The following HTT variants were observed in gnomAD, a reference collection of about 807,000 sequenced individuals.
The protein encoded by HTT is huntington disease protein.
In HTT, 104 loss-of-function variants were observed where a neutral mutation model predicts 362.3. That is an observed-to-expected ratio of 0.29 (90% confidence interval 0.24 to 0.34). The LOEUF (loss-of-function observed/expected upper bound fraction) is 0.34. HTT is among the 10% of genes least tolerant of loss of function. The pLI, the probability that HTT is intolerant of heterozygous loss-of-function variation, is 1.00. For missense variants in HTT, 3,301 were observed against 3,928.6 expected, an observed-to-expected ratio of 0.84 and a Z score of 4.27; for synonymous variants, 1,577 against 1,548.7, an observed-to-expected ratio of 1.02 and a Z score of -0.43.
intron 26 of HTT, among the ~76,000 whole-genome samples, chr4:3,150,864 G>A (rs1716846151): frequency 2.6e-5 from 4 of 152,050 alleles, no homozygotes; most frequent in African/African-American, 4.8e-5. Context: ...GTGAAACCCC[G>A]TCTCTACTAA....
At chr4:3,109,662 G>T (rs1487159067) in intron 6 of HTT, among the ~76,000 whole-genome samples, 1 of 151,902 alleles carries the variant, frequency 6.6e-6, no homozygotes, top group Non-Finnish European at 1.5e-5. Flanking sequence ...GGTTGCTTAC[G>T]TATTATATTT....
At position 3,116,238 on chromosome 4, in the gene HTT, C is replaced by G. The variant is rs1246294312; in HGVS notation, c.1043C>G (p.Ser348Cys). The G allele has an allele frequency of 6.2e-7, 1 of 1,612,560 alleles. No individual in the cohort carries two copies. The highest frequency in any genetic ancestry group is 8.5e-7 in the Non-Finnish European group (1 of 1,178,640). Reference protein sequence around the residue: ...FGVTRKEMEVSPSAEQLVQVY... With the variant: ...FGVTRKEMEVCPSAEQLVQVY... ...GTGACAAGGAAAGAAATGGAAGTCTCTCCTTCTGCAGAGCAGCTTGTCCAG... is the reference window on the plus strand; with the variant it reads ...GTGACAAGGAAAGAAATGGAAGTCTGTCCTTCTGCAGAGCAGCTTGTCCAG... The change falls in exon 8 of 67, where the codon TCT becomes TGT. Residue 348 changes from serine (S) to cysteine (C), a missense_variant. Ser to Cys is a moderately radical substitution (Grantham distance 112). Coordinates refer to ENST00000355072, the MANE Select transcript of HTT (RefSeq NM_001388492.1).
rs368226353 is a variant in HTT at position 3,136,261 on chromosome 4, T to C, written c.2733T>C (p.Val911=). 1.2e-6 allele frequency: 2 copies of C among 1,612,334 alleles called. No individual in the cohort carries two copies. The highest frequency in any genetic ancestry group is 2.7e-5 in the African/African-American group (2 of 74,892). The change falls in exon 21 of 67, where the codon GTT becomes GTC. Residue 911 remains valine (V), a synonymous_variant. Coordinates refer to ENST00000355072, the MANE Select transcript of HTT (RefSeq NM_001388492.1). The part of the protein sequence containing the change: ...LKLQERVLNN[V]VIHLLGDEDP... ...TGCAAGAACGAGTGCTCAATAATGT[T>C]GTCATCCATTTGCTTGGAGATGAAG...
chr4:3,187,722 A>G lies in HTT; in HGVS notation c.5061A>G (p.Ser1687=). The change falls in exon 39 of 67, where the codon TCA becomes TCG. Residue 1687 remains serine (S), a synonymous_variant. Transcript: ENST00000355072. ...TTTTGAGGGTTCTGATTTCCCAGTCAACTGAAGATATTGTTCTTTCTCGTA... is the reference window on the plus strand; with the variant it reads ...TTTTGAGGGTTCTGATTTCCCAGTCGACTGAAGATATTGTTCTTTCTCGTA... ...LAILRVLISQ[S]TEDIVLSRIQ... 1.2e-6 allele frequency: 2 copies of G among 1,614,202 alleles called. No individual in the cohort carries two copies. Among genetic ancestry groups the G allele is most frequent in the Middle Eastern group, 1.6e-4 (1 of 6,062 alleles).
rs1718167819 is a variant in HTT at position 3,174,938 on chromosome 4, T to C, written c.4246-8T>C. On this transcript the variant is annotated splice_region_variant and splice_polypyrimidine_tract_variant and intron_variant, in intron 32 of 66. Coordinates refer to ENST00000355072, the MANE Select transcript of HTT (RefSeq NM_001388492.1). ...TGGATTCTTTCTTTCTTTTTTTCTT[T>C]TTTATAGAATGCTATTCATAATCAC... is the stretch of plus-strand genomic sequence containing the variant. The C allele has an allele frequency of 1.3e-6, 2 of 1,568,226 alleles. No homozygotes were observed. Among genetic ancestry groups the C allele is most frequent in the Non-Finnish European group, 1.7e-6 (2 of 1,154,056 alleles).
chr4:3,134,712 A>G (rs1190982793), intron 19 of HTT, among the ~76,000 whole-genome samples, 172 bp downstream of exon 19: 1 of 152,104 alleles, frequency 6.6e-6, no homozygotes, highest in Non-Finnish European at 1.5e-5. Flanking sequence ...ACTTTGCCCT[A>G]TGCTTGGAAT....
intron 11 of HTT, among the ~76,000 whole-genome samples, chr4:3,126,242 C>T (rs375424125): frequency 5.9e-4 from 90 of 151,992 alleles, no homozygotes; most frequent in African/African-American, 1.0e-3. Flanking sequence ...TTTGTGGAGA[C>T]GGGTTTTTGC....
At chr4:3,103,915 T>G (rs1416320631) in intron 4 of HTT, 32 bp downstream of exon 4, 2 of 1,323,454 alleles carry the variant, frequency 1.5e-6, no homozygotes, top group Non-Finnish European at 2.2e-6. Context: ...TAAAAATGTT[T>G]TAAATTTTAA....
intron 15 of HTT, 37 bp from the exon 16 acceptor site, chr4:3,131,601 T>A (rs1232494178): frequency 6.2e-7 from 1 of 1,607,390 alleles, no homozygotes; most frequent in Non-Finnish European, 8.5e-7. Context: ...CAATCTGTTG[T>A]TTGAGGCTGA....
chr4:3,232,196 A>G (rs1721287236), intron 60 of HTT, among the ~76,000 whole-genome samples: 1 of 152,142 alleles, frequency 6.6e-6, no homozygotes, highest in South Asian at 2.1e-4. Context: ...CCAAGAAGGA[A>G]GTGACCCACA....
chr4:3,130,234 C>A (rs964437103), intron 13 of HTT, 71 bp from the exon 14 acceptor site: 2 of 1,097,378 alleles, frequency 1.8e-6, no homozygotes, highest in African/African-American at 3.2e-5. Context: ...TTTGAGTTAT[C>A]TTAGCATAAA....
At chr4:3,158,815 G>C (rs1481634707) in intron 28 of HTT, among the ~76,000 whole-genome samples, 1 of 152,080 alleles carries the variant, frequency 6.6e-6, no homozygotes, top group Admixed American at 6.6e-5. Context: ...GTTGAAAAAT[G>C]CCGTAGAGAA....
At chr4:3,133,412 C>T (rs1254728490) in intron 18 of HTT, among the ~76,000 whole-genome samples, 1 of 151,120 alleles carries the variant, frequency 6.6e-6, no homozygotes. Context: ...GGGGGGATTG[C>T]TTGAGCCCCA....
chr4:3,213,777 G>T (rs1359627478), intron 49 of HTT, among the ~76,000 whole-genome samples, 181 bp from the exon 50 acceptor site: 2 of 152,186 alleles, frequency 1.3e-5, no homozygotes, highest in Non-Finnish European at 2.9e-5. Context: ...GGCACTTTGG[G>T]GAATAGGTGG....
chr4:3,109,230 C>CT (rs1178995994), intron 6 of HTT, among the ~76,000 whole-genome samples: 2 of 150,972 alleles, frequency 1.3e-5, no homozygotes, highest in Non-Finnish European at 3.0e-5. Context: ...TTCTTTCTTT[C>CT]TTTTTTTTTC....
chr4:3,224,014 A>G lies in HTT; in HGVS notation c.7648A>G (p.Ile2550Val), dbSNP rs551417937. The G allele has an allele frequency of 3.1e-6, 5 of 1,614,042 alleles. No homozygotes were observed. The highest frequency in any genetic ancestry group is 1.6e-4 in the Middle Eastern group (1 of 6,084). The change falls in exon 56 of 67, where the codon ATC (isoleucine) becomes GTC (valine). Residue 2550 changes from isoleucine to valine, a missense_variant. Ile to Val is a conservative substitution (Grantham distance 29, BLOSUM62 3). Transcript: ENST00000355072. ...DTRFGRKLSI[I>V]RGIVEQEIQA... ...TAGGTTTGGGAGGAAGCTGAGCATT[A>G]TCAGAGGGATTGTGGAGCAAGAGAT...
intron 57 of HTT, among the ~76,000 whole-genome samples, chr4:3,226,203 G>T (rs1242897548): frequency 1.3e-5 from 2 of 152,128 alleles, no homozygotes; most frequent in African/African-American, 4.8e-5. Flanking sequence ...GAGTGTCCCT[G>T]TCCCTGTGGC....
rs562778631 is a variant in HTT at position 3,139,059 on chromosome 4, T to A, written c.2799-1451T>A. ...AAAGTTACATTTTGGTGCATATTCT[T>A]TTTCATTTTCATCATTGTAATTTGC... On this transcript the variant is annotated intron_variant, in intron 21 of 66. Coordinates refer to ENST00000355072, the MANE Select transcript of HTT (RefSeq NM_001388492.1). Among the ~76,000 whole-genome samples, 6 of 152,344 alleles carry A rather than the reference T, an allele frequency of 3.9e-5. No individual in the cohort carries two copies. In the South Asian group the frequency reaches 1.2e-3, roughly 32 times the overall value.
intron 64 of HTT, 75 bp downstream of exon 64, chr4:3,236,329 T>C: frequency 1.0e-6 from 1 of 997,312 alleles, no homozygotes; most frequent in Non-Finnish European, 1.6e-6. Context: ...TTTGTGTGTG[T>C]CTGCTGATCC....
Sources: gnomAD v4.1 joint callset for allele counts (sites outside exome capture counted in the v4.1 genomes callset) on GRCh38, gnomAD v4.1.1 for gene constraint, MANE v1.5 for transcripts, NCBI Gene and HGNC (gene_info 2026-07-23, HGNC 2026-07-21) for gene names.